The following QTMAN variants were observed in gnomAD, a reference collection of about 807,000 sequenced individuals.
QTMAN encodes queuosine-tRNA mannosyltransferase.
At chr2:144,290,803 C>T in the QTMAN span, among the ~76,000 whole-genome samples, 8 of 152,320 alleles carry the variant, frequency 5.3e-5, no homozygotes, top group African/African-American at 1.9e-4. Context: ...GAGGCCTTTC[C>T]TGACCACCCT....
chr2:144,081,344 T>C, the QTMAN span, among the ~76,000 whole-genome samples: 1 of 152,172 alleles, frequency 6.6e-6, no homozygotes, highest in African/African-American at 2.4e-5. Flanking sequence ...TCTGTGGCAA[T>C]TGCTTAACTT....
At chr2:144,289,270 G>A in the QTMAN span, among the ~76,000 whole-genome samples, 11 of 152,040 alleles carry the variant, frequency 7.2e-5, no homozygotes, top group African/African-American at 1.2e-4. Flanking sequence ...CTCGTGATCC[G>A]CCCGCCTCGG....
At chr2:143,953,792 G>A in the QTMAN span, among the ~76,000 whole-genome samples, 87 of 151,836 alleles carry the variant, frequency 5.7e-4, no homozygotes, top group African/African-American at 2.0e-3. Flanking sequence ...TGACCAAAGG[G>A]GAAATTTATT....
At chr2:144,202,793 A>G in the QTMAN span, among the ~76,000 whole-genome samples, 1 of 152,220 alleles carries the variant, frequency 6.6e-6, no homozygotes, top group African/African-American at 2.4e-5. Context: ...TGTTAGGAAT[A>G]ATGTCTTGTA....
At chr2:144,125,219 A>C in the QTMAN span, among the ~76,000 whole-genome samples, 4 of 151,982 alleles carry the variant, frequency 2.6e-5, no homozygotes, top group South Asian at 8.3e-4. Context: ...TGAACATGTG[A>C]GTTTTTTTAA....
At chr2:144,065,008 A>C in the QTMAN span, among the ~76,000 whole-genome samples, 1 of 152,218 alleles carries the variant, frequency 6.6e-6, no homozygotes, top group Non-Finnish European at 1.5e-5. Flanking sequence ...GGTGAGGAAG[A>C]TAACAAGAAT....
the QTMAN span, among the ~76,000 whole-genome samples, chr2:144,282,648 T>C: frequency 6.6e-6 from 1 of 152,096 alleles, no homozygotes; most frequent in Non-Finnish European, 1.5e-5. Flanking sequence ...TGTGAATTAA[T>C]AGGAAATATG....
the QTMAN span, among the ~76,000 whole-genome samples, chr2:144,303,299 A>T: frequency 2.4e-4 from 37 of 152,220 alleles, no homozygotes; most frequent in Non-Finnish European, 2.6e-4. Context: ...TAGAATATGC[A>T]GACAGGAGAC....
chr2:144,170,936 T>C, the QTMAN span, among the ~76,000 whole-genome samples: 10 of 152,218 alleles, frequency 6.6e-5, no homozygotes, highest in Admixed American at 5.9e-4. Flanking sequence ...TCTGTCCTAC[T>C]GTCCTCCCAA....
At chr2:144,005,308 CG>C in the QTMAN span, among the ~76,000 whole-genome samples, 1 of 152,056 alleles carries the variant, frequency 6.6e-6, no homozygotes, top group Non-Finnish European at 1.5e-5. Context: ...GAACAAATAT[CG>C]AATGTCAACA....
the QTMAN span, among the ~76,000 whole-genome samples, chr2:144,065,508 G>A: frequency 6.6e-6 from 1 of 152,276 alleles, no homozygotes; most frequent in South Asian, 2.1e-4. Context: ...TAAGTTGGCT[G>A]TATCTTTCTA....
chr2:144,277,696 T>C, the QTMAN span, among the ~76,000 whole-genome samples: 4 of 152,168 alleles, frequency 2.6e-5, no homozygotes, highest in Non-Finnish European at 5.9e-5. Flanking sequence ...CTATCAACAT[T>C]ACTGGATTGA....
chr2:144,096,342 G>A, the QTMAN span, among the ~76,000 whole-genome samples: 23 of 152,222 alleles, frequency 1.5e-4, no homozygotes, highest in South Asian at 1.2e-3. Flanking sequence ...AGAGAGCCAC[G>A]CTTTCTTTTG....
chr2:144,111,850 A>T, the QTMAN span, among the ~76,000 whole-genome samples: 1 of 152,220 alleles, frequency 6.6e-6, no homozygotes, highest in Non-Finnish European at 1.5e-5. Context: ...GCCTGCTTAA[A>T]AAACAATGAA....
chr2:144,092,726 C>T, the QTMAN span, among the ~76,000 whole-genome samples: 2 of 152,002 alleles, frequency 1.3e-5, no homozygotes, highest in African/African-American at 2.4e-5. Context: ...TAACCAAAAC[C>T]CATATCTGCC....
chr2:144,294,528 A>G, the QTMAN span: 1 of 152,186 alleles, frequency 6.6e-6, no homozygotes, highest in Non-Finnish European at 1.5e-5. Context: ...GTATCCATCA[A>G]TCAAAACCAT....
At chr2:144,288,803 A>T in the QTMAN span, among the ~76,000 whole-genome samples, 1 of 152,148 alleles carries the variant, frequency 6.6e-6, no homozygotes, top group African/African-American at 2.4e-5. Context: ...TCTACTGCTG[A>T]CCAAAGACTG....
chr2:143,990,108 A>G, the QTMAN span, among the ~76,000 whole-genome samples: 2 of 151,870 alleles, frequency 1.3e-5, no homozygotes, highest in Non-Finnish European at 2.9e-5. Flanking sequence ...TGTCCTATAA[A>G]GTCTTATCTG....
chr2:144,204,256 G>C, the QTMAN span, among the ~76,000 whole-genome samples: 90 of 152,228 alleles, frequency 5.9e-4, 1 homozygote, highest in Non-Finnish European at 1.2e-3. Context: ...ATCTGACAAA[G>C]AGCTAATAAC....
Sources: gnomAD v4.1 joint callset for allele counts (sites outside exome capture counted in the v4.1 genomes callset) on GRCh38, gnomAD v4.1.1 for gene constraint, MANE v1.5 for transcripts, NCBI Gene and HGNC (gene_info 2026-07-23, HGNC 2026-07-21) for gene names.